The following STXBP5L variants were observed in gnomAD, a reference collection of about 807,000 sequenced individuals.
STXBP5L encodes the protein syntaxin-binding protein 5-like.
STXBP5L carries 65 observed loss-of-function variants against 144.5 expected under a neutral mutation model. That is an observed-to-expected ratio of 0.45 (90% CI 0.37 to 0.55). STXBP5L has a LOEUF of 0.55. Ranked by LOEUF, STXBP5L falls within the 20% of genes least tolerant of loss-of-function variation. The pLI is 0.00. For missense variants in STXBP5L, 1,298 were observed against 1,405.5 expected (o/e 0.92, Z 1.22); for synonymous variants, 505 against 469.6 (o/e 1.08, Z -0.97).
At chr3:121,291,568 T>G (rs1219153601) in intron 19 of STXBP5L, among the ~76,000 whole-genome samples, 10 of 151,880 alleles carry the variant, frequency 6.6e-5, no homozygotes, top group Non-Finnish European at 1.5e-5. Flanking sequence ...TAAAATTCAT[T>G]CACACAGTAC....
At chr3:120,982,231 G>A (rs1941848831) in intron 3 of STXBP5L, among the ~76,000 whole-genome samples, 1 of 152,152 alleles carries the variant, frequency 6.6e-6, no homozygotes, top group Non-Finnish European at 1.5e-5. Flanking sequence ...GCTCTCTGTT[G>A]TTTCAGGTGA....
At chr3:121,270,723 G>T (rs991846726) in intron 18 of STXBP5L, among the ~76,000 whole-genome samples, 1 of 152,270 alleles carries the variant, frequency 6.6e-6, no homozygotes, top group East Asian at 1.9e-4. Context: ...AAAGTGCTGA[G>T]ATTACAGGCG....
chr3:121,358,939 T>A (rs572468439), intron 20 of STXBP5L, among the ~76,000 whole-genome samples: 1 of 152,310 alleles, frequency 6.6e-6, no homozygotes, highest in African/African-American at 2.4e-5. Flanking sequence ...AGATGTCTTT[T>A]CAATATACAG....
chr3:121,279,669 C>G (rs1319385270), intron 18 of STXBP5L, 136 bp from the exon 19 acceptor site: 2 of 945,384 alleles, frequency 2.1e-6, no homozygotes, highest in Non-Finnish European at 3.2e-6. Flanking sequence ...AGGCATCCTT[C>G]TTGACTTTAC....
At chr3:121,174,820 G>A (rs1040234382) in intron 9 of STXBP5L, among the ~76,000 whole-genome samples, 4 of 152,182 alleles carry the variant, frequency 2.6e-5, no homozygotes, top group South Asian at 4.1e-4. Context: ...AAAGGAAACA[G>A]CAGCCAAAGC....
chr3:121,321,100 A>C (rs1287588626), intron 20 of STXBP5L, among the ~76,000 whole-genome samples: 1 of 152,180 alleles, frequency 6.6e-6, no homozygotes, highest in Non-Finnish European at 1.5e-5. Flanking sequence ...GTATTATGTT[A>C]CTTGAGGCAG....
At chr3:121,093,830 C>A (rs1267646203) in intron 5 of STXBP5L, among the ~76,000 whole-genome samples, 1 of 152,074 alleles carries the variant, frequency 6.6e-6, no homozygotes, top group East Asian at 1.9e-4. Context: ...AATGTGTTTG[C>A]TCTTTCTTTT....
intron 20 of STXBP5L, among the ~76,000 whole-genome samples, chr3:121,358,258 C>T (rs1474565226): frequency 1.5e-5 from 2 of 136,392 alleles, no homozygotes; most frequent in East Asian, 4.4e-4. Flanking sequence ...ACCTCCCTAA[C>T]CCCCCACTAC....
chr3:120,997,815 A>T (rs571975376), intron 3 of STXBP5L, among the ~76,000 whole-genome samples: 1 of 152,266 alleles, frequency 6.6e-6, no homozygotes, highest in Admixed American at 6.5e-5. Flanking sequence ...TTGAATGTGG[A>T]TGCAGAAATA....
Position 121,418,396 on chromosome 3 carries a change from G to C in STXBP5L, c.3286G>C (p.Gly1096Arg), listed in dbSNP as rs1350678711. The change falls in exon 26 of 27, where the codon GGT becomes CGT. Residue 1096 changes from glycine (G) to arginine (R), a missense_variant. Transcript: ENST00000471454. ...CCTTGCGCAACACATTCCTGGACCA[G>C]GTAGTATAGAAGGGATGAAAGGCGC... ...RSLAQHIPGP[G>R]SIEGMKGAAG... 1 of 1,613,966 alleles carries C rather than the reference G, an allele frequency of 6.2e-7. No homozygotes were observed. The highest frequency in any genetic ancestry group is 8.5e-7 in the Non-Finnish European group (1 of 1,179,992).
chr3:120,986,696 A>T lies in STXBP5L; in HGVS notation c.287+31659A>T, dbSNP rs150654937. On this transcript the variant is annotated intron_variant, in intron 3 of 26. Transcript: ENST00000471454. ...AACATGTTGAAAAAACTAAAGGAAG[A>T]TATGGAGAAAGTCAAGAAAATGATG... Among the ~76,000 whole-genome samples the T allele has an allele frequency of 3.7e-3, 562 of 152,078 alleles. 1 individual carries two copies. Among genetic ancestry groups the T allele is most frequent in the Non-Finnish European group, 3.5e-3 (237 of 67,844 alleles).
intron 19 of STXBP5L, among the ~76,000 whole-genome samples, 162 bp downstream of exon 19, chr3:121,280,118 T>C (rs1371795590): frequency 2.6e-5 from 4 of 151,852 alleles, no homozygotes; most frequent in Admixed American, 2.6e-4. Context: ...GCAGAAACAT[T>C]GTGAGAATCT....
intron 5 of STXBP5L, 143 bp from the exon 6 acceptor site, chr3:121,114,782 C>T (rs1309578149): frequency 6.5e-6 from 3 of 464,192 alleles, no homozygotes. Context: ...CCTATACTCT[C>T]AATGAATAAC....
At chr3:121,288,073 C>G (rs572083492) in intron 19 of STXBP5L, among the ~76,000 whole-genome samples, 9 of 152,218 alleles carry the variant, frequency 5.9e-5, no homozygotes, top group African/African-American at 1.9e-4. Flanking sequence ...TTTAGAGTAG[C>G]CAAAACAGCT....
intron 3 of STXBP5L, among the ~76,000 whole-genome samples, chr3:121,009,413 T>C (rs185704004): frequency 7.2e-5 from 11 of 152,114 alleles, no homozygotes; most frequent in African/African-American, 2.4e-4. Context: ...CTCACATTAC[T>C]TCTCTGTCCA....
chr3:121,186,800 G>C (rs551121636), intron 9 of STXBP5L, among the ~76,000 whole-genome samples: 8 of 152,258 alleles, frequency 5.3e-5, no homozygotes, highest in Non-Finnish European at 8.8e-5. Context: ...GCAGCCAAAA[G>C]ACACATGAAA....
intron 11 of STXBP5L, among the ~76,000 whole-genome samples, chr3:121,225,910 T>C (rs2049108595): frequency 6.6e-6 from 1 of 152,198 alleles, no homozygotes; most frequent in Non-Finnish European, 1.5e-5. Context: ...GTATAAATTT[T>C]CCAACAGGGC....
intron 9 of STXBP5L, among the ~76,000 whole-genome samples, chr3:121,195,043 G>T (rs1227843551): frequency 2.0e-5 from 3 of 150,542 alleles, no homozygotes; most frequent in Non-Finnish European, 4.4e-5. Flanking sequence ...GGCCTCCCGA[G>T]TAGCTGAGAC....
chr3:121,293,246 C>A lies in STXBP5L; in HGVS notation c.2110+13290C>A, dbSNP rs146966764. Among the ~76,000 whole-genome samples the A allele has an allele frequency of 4.9e-4, 74 of 152,076 alleles. 1 individual carries two copies. The highest frequency in any genetic ancestry group is 1.8e-3 in the African/African-American group (73 of 41,476). On this transcript the variant is annotated intron_variant, in intron 19 of 26. Transcript: ENST00000471454. ...GACACATTACTGTATGATTCCATTT[C>A]TATAGAATTCCAGGAAATGAAAAGC...
Sources: gnomAD v4.1 joint callset for allele counts (sites outside exome capture counted in the v4.1 genomes callset) on GRCh38, gnomAD v4.1.1 for gene constraint, MANE v1.5 for transcripts, NCBI Gene and HGNC (gene_info 2026-07-23, HGNC 2026-07-21) for gene names.